AP3B1: variants seen among roughly 807,000 people sequenced by gnomAD.
AP3B1 encodes the protein AP-3 complex subunit beta-1.
A neutral mutation model predicts 132.5 loss-of-function variants in AP3B1; 61 were observed. The observed-to-expected ratio is 0.46, with a 90% CI of 0.37 to 0.57. The LOEUF (loss-of-function observed/expected upper bound fraction) is 0.57. Among genes scored for constraint, AP3B1 ranks in the 20% least tolerant of loss-of-function variants. The probability of loss-of-function intolerance (pLI) is 0.00; values close to 1 mark genes in which losing one functional copy is unlikely to be tolerated. For synonymous variants in AP3B1, 388 were observed against 438.3 expected (o/e 0.89, Z 1.43); for missense variants, 1,120 against 1,289.4 (o/e 0.87, Z 2.01).
intron 21 of AP3B1, among the ~76,000 whole-genome samples, chr5:78,095,095 C>T (rs150893373): frequency 3.3e-5 from 5 of 152,292 alleles, no homozygotes; most frequent in East Asian, 1.9e-4. Flanking sequence ...ATCTATAATG[C>T]GGCAATCTAA....
chr5:78,251,526 C>T (rs368521669), intron 2 of AP3B1, among the ~76,000 whole-genome samples: 61 of 152,302 alleles, frequency 4.0e-4, no homozygotes, highest in African/African-American at 1.4e-3. Context: ...TATCTCTGGG[C>T]ACTGGGGAAG....
chr5:78,062,995 G>A (rs1043378646), intron 22 of AP3B1, among the ~76,000 whole-genome samples: 1 of 152,158 alleles, frequency 6.6e-6, no homozygotes, highest in South Asian at 2.1e-4. Flanking sequence ...GGTTCTCTAT[G>A]AGCTAATTAT....
intron 26 of AP3B1, among the ~76,000 whole-genome samples, chr5:78,009,701 T>C (rs571088645): frequency 7.1e-6 from 1 of 140,994 alleles, no homozygotes; most frequent in Admixed American, 8.0e-5. Flanking sequence ...ATCCACAAGT[T>C]GCATATGGTA....
chr5:78,108,158 G>A (rs1050018122), intron 20 of AP3B1, among the ~76,000 whole-genome samples: 2 of 152,096 alleles, frequency 1.3e-5, no homozygotes, highest in Non-Finnish European at 2.9e-5. Flanking sequence ...TGAAAAAAAA[G>A]AAAAGAAAGA....
intron 7 of AP3B1, among the ~76,000 whole-genome samples, chr5:78,201,523 A>G (rs1353417494): frequency 6.6e-6 from 1 of 152,244 alleles, no homozygotes; most frequent in Non-Finnish European, 1.5e-5. Flanking sequence ...AATGTGGATC[A>G]ATCTCCAAAA....
intron 14 of AP3B1, among the ~76,000 whole-genome samples, chr5:78,141,788 C>T (rs1753158210): frequency 6.6e-6 from 1 of 152,102 alleles, no homozygotes; most frequent in Admixed American, 6.6e-5. Context: ...ACCTCAATGC[C>T]CACAAAAATC....
intron 22 of AP3B1, among the ~76,000 whole-genome samples, chr5:78,073,625 C>T (rs563030364): frequency 5.9e-5 from 9 of 151,808 alleles, no homozygotes; most frequent in Admixed American, 2.0e-4. Flanking sequence ...ATATTTTCAC[C>T]GAAGATGACA....
chr5:78,001,450 C>T (rs1187471044), downstream of AP3B1: 3 of 152,180 alleles, frequency 2.0e-5, no homozygotes, highest in Admixed American at 2.0e-4. Context: ...AGAATGTACA[C>T]ATGGTACGGA....
intron 14 of AP3B1, among the ~76,000 whole-genome samples, chr5:78,149,677 C>G (rs1053844383): frequency 1.3e-5 from 2 of 152,180 alleles, no homozygotes; most frequent in African/African-American, 2.4e-5. Flanking sequence ...GATGAGAAAA[C>G]TGGAGCATAG....
chr5:78,086,984 T>A (rs1750288583), intron 22 of AP3B1, among the ~76,000 whole-genome samples: 1 of 152,198 alleles, frequency 6.6e-6, no homozygotes, highest in African/African-American at 2.4e-5. Context: ...CGTTGCCGAA[T>A]AACACACCTA....
At chr5:78,151,837 C>CT in intron 14 of AP3B1, among the ~76,000 whole-genome samples, 1 of 72,702 alleles carries the variant, frequency 1.4e-5, no homozygotes, top group Non-Finnish European at 3.1e-5. Context: ...CTTCCCTCCC[C>CT]TCCCCCTTCC....
intron 23 of AP3B1, 55 bp downstream of exon 23, chr5:78,038,988 G>A (rs893622555): frequency 9.3e-7 from 1 of 1,071,070 alleles, no homozygotes; most frequent in African/African-American, 1.6e-5. Context: ...CTTTTAAAAT[G>A]AACATATTTA....
chr5:78,075,211 A>C (rs920923413), intron 22 of AP3B1, among the ~76,000 whole-genome samples: 3 of 152,170 alleles, frequency 2.0e-5, no homozygotes, highest in African/African-American at 7.2e-5. Flanking sequence ...GATATATCTA[A>C]GATAAGACTA....
intron 22 of AP3B1, among the ~76,000 whole-genome samples, chr5:78,062,206 T>C (rs1413921370): frequency 6.6e-6 from 1 of 152,174 alleles, no homozygotes; most frequent in African/African-American, 2.4e-5. Context: ...GTGGACAGGG[T>C]AGTTAGATGT....
Position 78,096,937 on chromosome 5 carries a change from G to A in AP3B1, c.2470+4016C>T, listed in dbSNP as rs541671419. On this transcript the variant is annotated intron_variant, in intron 21 of 26. Coordinates refer to ENST00000255194, the MANE Select transcript of AP3B1 (RefSeq NM_003664.5). The stretch of plus-strand genomic sequence containing the variant: ...CCGCCCTGTCCGGGAGGTGAGGGGC[G>A]CCTCTGCCCAGCCGCCCCTACTGGG... Among the ~76,000 whole-genome samples, 12 of 146,588 alleles carry A rather than the reference G, an allele frequency of 8.2e-5. No homozygotes were observed. In the South Asian group the frequency reaches 2.6e-3, roughly 32 times the overall value.
intron 15 of AP3B1, 50 bp from the exon 16 acceptor site, chr5:78,129,357 C>CCA: frequency 7.1e-7 from 1 of 1,408,574 alleles, no homozygotes; most frequent in Non-Finnish European, 1.0e-6. Flanking sequence ...TTATGATTAT[C>CCA]GATAACTCTG....
chr5:78,099,799 G>C (rs1751054330), intron 21 of AP3B1, among the ~76,000 whole-genome samples: 1 of 151,738 alleles, frequency 6.6e-6, no homozygotes, highest in South Asian at 2.1e-4. Context: ...TGAGGCAGGA[G>C]AACTGCTCGA....
At chr5:78,110,753 CAT>C (rs1751552171) in intron 19 of AP3B1, among the ~76,000 whole-genome samples, 1 of 145,144 alleles carries the variant, frequency 6.9e-6, no homozygotes, top group Non-Finnish European at 1.5e-5. Context: ...TACGTATATA[CAT>C]ATATATTCAT....
At chr5:78,196,262 CAT>C (rs1745072918) in intron 7 of AP3B1, among the ~76,000 whole-genome samples, 2 of 152,194 alleles carry the variant, frequency 1.3e-5, no homozygotes, top group East Asian at 3.9e-4. Context: ...GGCAAATAAA[CAT>C]ATAAAAACAT....
Sources: allele counts gnomAD v4.1 joint callset (sites outside exome capture counted in the v4.1 genomes callset), GRCh38; gene constraint gnomAD v4.1.1; transcripts MANE v1.5; gene names NCBI Gene and HGNC (gene_info 2026-07-23, HGNC 2026-07-21).